CFAP418: variants seen among roughly 807,000 people sequenced by gnomAD.
The protein encoded by CFAP418 is cilia- and flagella-associated protein 418.
In CFAP418, 27 loss-of-function variants were observed where a neutral mutation model predicts 24.7. That is an observed-to-expected ratio of 1.09 (90% confidence interval 0.81 to 1.51). The LOEUF (loss-of-function observed/expected upper bound fraction) is 1.51, where lower values mean the gene tolerates loss of function less well. CFAP418 is among the 40% of genes most tolerant of loss of function. The pLI, the probability that CFAP418 is intolerant of heterozygous loss-of-function variation, is 0.00. For missense variants in CFAP418, 257 were observed against 255.2 expected (o/e 1.01, Z -0.05); for synonymous variants, 74 against 87.3 (o/e 0.85, Z 0.85).
chr8:95,252,504 A>T (rs1264873813), intron 4 of CFAP418, among the ~76,000 whole-genome samples: 1 of 152,208 alleles, frequency 6.6e-6, no homozygotes, highest in Non-Finnish European at 1.5e-5. Flanking sequence ...TTTTACTATG[A>T]TCTTGTACAC....
chr8:95,266,323 A>T (rs1000102697), intron 1 of CFAP418, among the ~76,000 whole-genome samples: 1 of 152,062 alleles, frequency 6.6e-6, no homozygotes, highest in Admixed American at 6.6e-5. Flanking sequence ...CTCAACCCAC[A>T]TCAGTCTTTT....
At chr8:95,247,827 A>T (rs1407022672) in intron 5 of CFAP418, 57 bp from the exon 6 acceptor site, 22 of 274,334 alleles carry the variant, frequency 8.0e-5, no homozygotes, top group Non-Finnish European at 2.0e-5. Flanking sequence ...CTTAATGATT[A>T]AAAAAAAAAA....
chr8:95,247,698 G>A lies in CFAP418; in HGVS notation c.543C>T (p.Cys181=). Residue 181 remains cysteine, a synonymous_variant, in exon 6 of 6, where the codon TGC becomes TGT. Coordinates refer to ENST00000286688, the MANE Select transcript of CFAP418 (RefSeq NM_177965.4). ...IKKKGTRAYA[C]QCSWRTIEEV... ...CTTCAATAGTTCTCCAGCTACACTGGCAGGCATATGCCCGTGTTCCTTTCT... is the reference window on the plus strand; with the variant it reads ...CTTCAATAGTTCTCCAGCTACACTGACAGGCATATGCCCGTGTTCCTTTCT... 6.2e-7 allele frequency: 1 copy of A among 1,614,062 alleles called. No individual in the cohort carries two copies. Among genetic ancestry groups the A allele is most frequent in the Middle Eastern group, 1.7e-4 (1 of 6,060 alleles).
chr8:95,261,577 A>T (rs1158047031), intron 2 of CFAP418, among the ~76,000 whole-genome samples: 1 of 152,164 alleles, frequency 6.6e-6, no homozygotes, highest in East Asian at 1.9e-4. Flanking sequence ...ACGTTGGCAT[A>T]GACTATCTGT....
At chr8:95,260,309 A>C (rs1009107342) in intron 3 of CFAP418, among the ~76,000 whole-genome samples, 159 bp downstream of exon 3, 1 of 152,232 alleles carries the variant, frequency 6.6e-6, no homozygotes, top group Non-Finnish European at 1.5e-5. Context: ...ACAGACCATA[A>C]GAACACTGAA....
chr8:95,263,190 C>G (rs1442277117), intron 2 of CFAP418, among the ~76,000 whole-genome samples: 1 of 152,078 alleles, frequency 6.6e-6, no homozygotes, highest in African/African-American at 2.4e-5. Context: ...GGGTGGCTGT[C>G]ATGGTATGTT....
intron 2 of CFAP418, among the ~76,000 whole-genome samples, chr8:95,261,583 T>C (rs1303603037): frequency 1.3e-5 from 2 of 152,160 alleles, no homozygotes; most frequent in Non-Finnish European, 2.9e-5. Context: ...GCATAGACTA[T>C]CTGTTTATCT....
chr8:95,266,947 G>A (rs1007784927), intron 1 of CFAP418, among the ~76,000 whole-genome samples: 9 of 152,108 alleles, frequency 5.9e-5, no homozygotes, highest in African/African-American at 1.9e-4. Context: ...CTGCCCCTCC[G>A]CATGCTAGTT....
intron 1 of CFAP418, among the ~76,000 whole-genome samples, 184 bp from the exon 2 acceptor site, chr8:95,263,958 A>G (rs750838114): frequency 1.4e-4 from 22 of 152,178 alleles, no homozygotes; most frequent in Non-Finnish European, 2.8e-4. Flanking sequence ...TTTATCAGGT[A>G]CAAATTCACA....
At chr8:95,257,755 G>C (rs75941319) in intron 4 of CFAP418, among the ~76,000 whole-genome samples, 2 of 152,262 alleles carry the variant, frequency 1.3e-5, no homozygotes, top group South Asian at 4.1e-4. Flanking sequence ...GTTATGTATA[G>C]TACATAATAC....
At chr8:95,267,832 C>T (rs1812022608) in intron 1 of CFAP418, among the ~76,000 whole-genome samples, 1 of 151,124 alleles carries the variant, frequency 6.6e-6, no homozygotes, top group African/African-American at 2.4e-5. Context: ...CCAAAAGATT[C>T]TAGCAAGAGT....
At chr8:95,267,522 G>A (rs1026910806) in intron 1 of CFAP418, among the ~76,000 whole-genome samples, 20 of 152,270 alleles carry the variant, frequency 1.3e-4, no homozygotes, top group Middle Eastern at 6.8e-3. Flanking sequence ...AATGGGAGGC[G>A]GAGCTTGCAG....
intron 4 of CFAP418, among the ~76,000 whole-genome samples, chr8:95,255,489 A>G (rs1350601167): frequency 6.6e-6 from 1 of 152,216 alleles, no homozygotes; most frequent in East Asian, 1.9e-4. Context: ...CATATTAGTT[A>G]GAGTGTCCAT....
chr8:95,252,807 TC>T (rs1209189720), intron 4 of CFAP418, among the ~76,000 whole-genome samples: 7 of 152,330 alleles, frequency 4.6e-5, no homozygotes, highest in Admixed American at 1.3e-4. Context: ...TTATTGAGAG[TC>T]TGGTATGTGC....
intron 4 of CFAP418, among the ~76,000 whole-genome samples, chr8:95,253,085 G>A (rs528423396): frequency 5.3e-5 from 8 of 152,234 alleles, no homozygotes; most frequent in African/African-American, 4.8e-5. Flanking sequence ...TGAGGCGGGC[G>A]GATCACGAGG....
At chr8:95,266,770 T>G (rs1167882381) in intron 1 of CFAP418, among the ~76,000 whole-genome samples, 1 of 152,212 alleles carries the variant, frequency 6.6e-6, no homozygotes, top group Non-Finnish European at 1.5e-5. Context: ...ACTAAGGCTT[T>G]TATGTTACTT....
chr8:95,257,728 T>G (rs964606914), intron 4 of CFAP418, among the ~76,000 whole-genome samples: 4 of 152,218 alleles, frequency 2.6e-5, no homozygotes, highest in Non-Finnish European at 5.9e-5. Flanking sequence ...GCCAGTTGTA[T>G]AAAAGTAGTG....
chr8:95,265,044 A>G (rs766730183), intron 1 of CFAP418, among the ~76,000 whole-genome samples: 1 of 152,214 alleles, frequency 6.6e-6, no homozygotes, highest in African/African-American at 2.4e-5. Context: ...GACTAGATTT[A>G]GAATCAGTTG....
rs974106770 is a variant in CFAP418, at chr8:95,245,903, A to G, written c.*1714T>C. 1.3e-5 allele frequency: 2 copies of G among 152,222 alleles called. No individual in the cohort carries two copies. The highest frequency in any genetic ancestry group is 2.9e-5 in the Non-Finnish European group (2 of 68,044). 9.4% of individuals were successfully genotyped at this position (152,222 alleles called of 1,614,324 possible). The stretch of plus-strand genomic sequence containing the variant: ...TTTCCAGCAGTCGACTTCAATCGAC[A>G]TCCCCCTAGGTTTCTGACTCAATTA... On this transcript the variant is annotated 3_prime_UTR_variant, in exon 6 of 6. Coordinates refer to ENST00000286688, the MANE Select transcript of CFAP418 (RefSeq NM_177965.4).
Sources: allele counts gnomAD v4.1 joint callset (sites outside exome capture counted in the v4.1 genomes callset), GRCh38; gene constraint gnomAD v4.1.1; transcripts MANE v1.5; gene names NCBI Gene and HGNC (gene_info 2026-07-23, HGNC 2026-07-21).